The following TRPA1 variants were observed in gnomAD, a reference collection of about 807,000 sequenced individuals.
TRPA1 encodes transient receptor potential cation channel subfamily A member 1.
Under a neutral mutation model 131.3 loss-of-function variants are expected in TRPA1, and 129 were observed. The observed-to-expected ratio is 0.98, with a 90% CI of 0.85 to 1.14. TRPA1 has a LOEUF of 1.14. Among genes scored for constraint, TRPA1 ranks in the 50% most tolerant of loss-of-function variants. The pLI is 0.00. For missense variants in TRPA1, 1,304 were observed against 1,354.2 expected, an observed-to-expected ratio of 0.96 and a Z score of 0.58; for synonymous variants, 441 against 451.7, an observed-to-expected ratio of 0.98 and a Z score of 0.30.
chr8:72,078,707 T>C (rs1165159737), upstream of TRPA1, among the ~76,000 whole-genome samples: 4 of 152,112 alleles, frequency 2.6e-5, no homozygotes, highest in African/African-American at 9.6e-5. Flanking sequence ...TAAATAATGC[T>C]GCTCTGAACA....
intron 15 of TRPA1, among the ~76,000 whole-genome samples, chr8:72,048,205 C>T (rs1412052557): frequency 1.3e-5 from 2 of 152,114 alleles, no homozygotes; most frequent in Admixed American, 6.6e-5. Context: ...ATTTGAGACA[C>T]CTCAAATCTA....
chr8:72,038,050 CAA>C lies in TRPA1; in HGVS notation c.2316_2317del (p.Cys773TyrfsTer35), dbSNP rs767068230. The C allele has an allele frequency of 3.2e-6, 5 of 1,582,542 alleles. No homozygotes were observed. The East Asian group carries it at 1.1e-4, about 36-fold the overall frequency. ...ACTTGATAAAAACACTAAAATCATA[CAA>C]GTTTTTATTAGATATGAATTCTAAA... is the stretch of plus-strand genomic sequence containing the variant. On this transcript the variant is annotated frameshift_variant, in exon 20 of 27. Transcript: ENST00000262209. LOFTEE classifies it high-confidence loss of function.
intron 13 of TRPA1, chr8:72,053,025 G>C (rs1805564014): frequency 8.2e-6 from 3 of 364,846 alleles, no homozygotes; most frequent in South Asian, 5.2e-5. Flanking sequence ...GAGAGAGAGA[G>C]AGAGAGAGAG....
the TRPA1 span, among the ~76,000 whole-genome samples, chr8:72,081,097 C>A: frequency 6.6e-6 from 1 of 151,310 alleles, no homozygotes; most frequent in African/African-American, 2.4e-5. Context: ...TCTTCCTTTA[C>A]CTTTTTGAGG....
intron 15 of TRPA1, 141 bp downstream of exon 15, chr8:72,050,637 A>G (rs1163889297): frequency 4.7e-6 from 3 of 641,566 alleles, no homozygotes; most frequent in Non-Finnish European, 8.2e-6. Context: ...CCTTCCTTAA[A>G]TAGTTATTGT....
chr8:72,072,162 A>G (rs899589069), intron 1 of TRPA1, among the ~76,000 whole-genome samples: 1 of 152,164 alleles, frequency 6.6e-6, no homozygotes, highest in Non-Finnish European at 1.5e-5. Context: ...TCTTCCCCAA[A>G]TGATTCAGAT....
Position 72,059,397 on chromosome 8 carries a change from A to AT in TRPA1, c.985dup (p.Ile329AsnfsTer8). On this transcript the variant is annotated frameshift_variant, in exon 8 of 27. Coordinates refer to ENST00000262209, the MANE Select transcript of TRPA1 (RefSeq NM_007332.3). LOFTEE classifies it high-confidence loss of function. The stretch of plus-strand genomic sequence containing the variant: ...AGTAAAAGGAATAGTTACCACTGAA[A>AT]TTAAATAGTCTGCTAGCTCATGGTG... The AT allele has an allele frequency of 6.3e-7, 1 of 1,575,816 alleles. No homozygotes were observed.
Position 72,075,468 on chromosome 8 carries a change from G to T in TRPA1, c.-59C>A. ...CTCACCACGCGCGCGGGCACCTGGGGCGAGAGAGCGCTGTCAGCCTGCCAG... is the reference window on the plus strand; with the variant it reads ...CTCACCACGCGCGCGGGCACCTGGGTCGAGAGAGCGCTGTCAGCCTGCCAG... On this transcript the variant is annotated 5_prime_UTR_variant, in exon 1 of 27. Coordinates refer to ENST00000262209, the MANE Select transcript of TRPA1 (RefSeq NM_007332.3). 7.2e-7 allele frequency: 1 copy of T among 1,383,126 alleles called. No homozygotes were observed. Among genetic ancestry groups the T allele is most frequent in the East Asian group, 2.3e-5 (1 of 43,922 alleles). 85.7% of individuals were successfully genotyped at this position (1,383,126 alleles called of 1,614,324 possible). A position where few individuals can be genotyped will look rare whatever the true frequency, so the allele number is the denominator to read the frequency against.
At chr8:72,030,569 T>C (rs1585839175) in intron 23 of TRPA1, among the ~76,000 whole-genome samples, 1 of 152,184 alleles carries the variant, frequency 6.6e-6, no homozygotes, top group South Asian at 2.1e-4. Context: ...ACTTAAGACA[T>C]ACAAATTAAT....
chr8:72,061,945 AT>A, intron 6 of TRPA1, among the ~76,000 whole-genome samples, 184 bp from the exon 7 acceptor site: 1 of 152,346 alleles, frequency 6.6e-6, no homozygotes, highest in South Asian at 2.1e-4. Context: ...AAAGAAAAGC[AT>A]CCACAAACAA....
intron 3 of TRPA1, among the ~76,000 whole-genome samples, chr8:72,067,821 G>C (rs553060704): frequency 6.6e-6 from 1 of 152,148 alleles, no homozygotes; most frequent in Admixed American, 6.5e-5. Flanking sequence ...ACCTCTTCAG[G>C]GAGCCACCCT....
chr8:72,055,065 T>A, intron 12 of TRPA1: 1 of 241,732 alleles, frequency 4.1e-6, no homozygotes, highest in Non-Finnish European at 8.0e-6. Flanking sequence ...TGTACGTGCA[T>A]ACACACATAC....
intron 26 of TRPA1, chr8:72,023,362 T>C: frequency 3.6e-6 from 2 of 560,514 alleles, no homozygotes; most frequent in East Asian, 3.0e-5. Context: ...GAAACTATTA[T>C]AGAGAAAGGT....
At chr8:72,053,017 G>T (rs1018085406) in intron 13 of TRPA1, 7 of 298,396 alleles carry the variant, frequency 2.3e-5, no homozygotes, top group Non-Finnish European at 4.4e-5. Flanking sequence ...AAGAGAGAGA[G>T]AGAGAGAGAG....
At chr8:72,084,447 A>G in the TRPA1 span, among the ~76,000 whole-genome samples, 1 of 151,502 alleles carries the variant, frequency 6.6e-6, no homozygotes, top group Admixed American at 6.6e-5. Flanking sequence ...TGATTTTTTA[A>G]GGAAACAACT....
chr8:72,023,249 C>A lies in TRPA1; in HGVS notation c.3150-133G>T. On this transcript the variant is annotated intron_variant, in intron 26 of 26. Coordinates refer to ENST00000262209, the MANE Select transcript of TRPA1 (RefSeq NM_007332.3). ...GCATAGGTTTTAACCTCGGTAGTCA[C>A]AATCCTTCCAGGAAACATGTATTTT... is the stretch of plus-strand genomic sequence containing the variant. 1.1e-5 allele frequency: 8 copies of A among 755,206 alleles called. No individual in the cohort carries two copies. In the South Asian group the frequency reaches 1.3e-4, roughly 12 times the overall value. 46.8% of individuals were successfully genotyped at this position (755,206 alleles called of 1,614,324 possible). A position where few individuals can be genotyped will look rare whatever the true frequency, so the allele number is the denominator to read the frequency against.
At chr8:72,077,294 G>GT (rs1204375961), upstream of TRPA1, among the ~76,000 whole-genome samples, 34 of 147,548 alleles carry the variant, frequency 2.3e-4, no homozygotes, top group African/African-American at 8.4e-4. Flanking sequence ...CAGGGGTGGG[G>GT]GGGGGGGCAG....
chr8:72,060,120 G>T (rs1435650236), intron 7 of TRPA1, among the ~76,000 whole-genome samples: 1 of 151,594 alleles, frequency 6.6e-6, no homozygotes, highest in Non-Finnish European at 1.5e-5. Flanking sequence ...TTGACAAGAG[G>T]TTGCATTATA....
In TRPA1 at chr8:72,026,076, A is replaced by G. The variant is rs778152652; in HGVS notation, c.2938-3T>C. On this transcript the variant is annotated splice_region_variant and splice_polypyrimidine_tract_variant and intron_variant, in intron 24 of 26. Transcript: ENST00000262209. The stretch of plus-strand genomic sequence containing the variant: ...TCTAAGCTGGTATGAAGTTCCACCT[A>G]AAGTGCATTTTGGATTTATTGATAG... 6.2e-7 allele frequency: 1 copy of G among 1,612,028 alleles called. No homozygotes were observed. Among genetic ancestry groups the G allele is most frequent in the Non-Finnish European group, 8.5e-7 (1 of 1,178,216 alleles).
Sources: gnomAD v4.1 joint callset for allele counts (sites outside exome capture counted in the v4.1 genomes callset) on GRCh38, gnomAD v4.1.1 for gene constraint, MANE v1.5 for transcripts, NCBI Gene and HGNC (gene_info 2026-07-23, HGNC 2026-07-21) for gene names.